Variants in NOPCHAP1 observed in about 807,000 individuals in gnomAD.
NOPCHAP1 encodes the protein NOP protein chaperone 1, also known as DNA damage-sensitive RNA 1.
A neutral mutation model predicts 14.0 loss-of-function variants in NOPCHAP1; 13 were observed. The ratio of observed to expected loss-of-function variants is 0.93; its 90% CI spans 0.60 to 1.47. The LOEUF (loss-of-function observed/expected upper bound fraction) is 1.47. NOPCHAP1 is among the 40% of genes most tolerant of loss of function. The pLI, the probability that NOPCHAP1 is intolerant of heterozygous loss-of-function variation, is 0.00. For synonymous variants in NOPCHAP1, 78 were observed against 78.4 expected (o/e 1.00, Z 0.03); for missense variants, 230 against 226.9 (o/e 1.01, Z -0.09).
chr12:104,992,337 C>G (rs528321590), intron 3 of NOPCHAP1, among the ~76,000 whole-genome samples: 3 of 152,284 alleles, frequency 2.0e-5, no homozygotes, highest in Non-Finnish European at 2.9e-5. Flanking sequence ...TTCAGCTCTC[C>G]CTCCAGAATA....
rs372991761 is a variant in NOPCHAP1 at position 104,996,095 on chromosome 12, G to A, written c.*1399G>A. 7.2e-5 allele frequency: 11 copies of A among 152,210 alleles called. No individual in the cohort carries two copies. The highest frequency in any genetic ancestry group is 2.7e-4 in the African/African-American group (11 of 41,504). The allele number at this position is 152,210 out of a possible 1,614,324, so 9.4% of individuals were successfully genotyped here. A position where few individuals can be genotyped will look rare whatever the true frequency, so the allele number is the denominator to read the frequency against. ...TAGGAGGTATTTATGGGGACTTTTG[G>A]GGAAGCTATTTGGAAGGCAGGATTG... is the stretch of plus-strand genomic sequence containing the variant. On this transcript the variant is annotated 3_prime_UTR_variant, in exon 4 of 4. Coordinates refer to ENST00000552951, the MANE Select transcript of NOPCHAP1 (RefSeq NM_152318.3).
At chr12:104,992,100 G>GT (rs1873390490) in intron 3 of NOPCHAP1, among the ~76,000 whole-genome samples, 1 of 152,014 alleles carries the variant, frequency 6.6e-6, no homozygotes, top group Non-Finnish European at 1.5e-5. Context: ...TCCTAACTGG[G>GT]TTTTTTTCTG....
intron 1 of NOPCHAP1, among the ~76,000 whole-genome samples, chr12:104,987,690 T>C (rs898975337): frequency 9.9e-5 from 15 of 152,192 alleles, no homozygotes; most frequent in Non-Finnish European, 2.1e-4. Context: ...CCCAAAAGGC[T>C]GCTTTCCTTG....
intron 2 of NOPCHAP1, 73 bp downstream of exon 2, chr12:104,988,326 G>C: frequency 8.3e-7 from 1 of 1,201,916 alleles, no homozygotes; most frequent in South Asian, 1.4e-5. Flanking sequence ...GACGGTCTCT[G>C]CCTTCATTGT....
rs1873885057 is a variant in NOPCHAP1 at position 105,013,694 on chromosome 12, C to T, written c.*18998C>T. On this transcript the variant is annotated 3_prime_UTR_variant, in exon 4 of 4. Transcript: ENST00000552951. ...ATCTGGGCCGGAGTGCACCGTTCCT[C>T]ACGGCACAGTATCTCATGGCTTCCC... 6.6e-6 allele frequency: 1 copy of T among 152,428 alleles called. No homozygotes were observed. The highest frequency in any genetic ancestry group is 2.4e-5 in the African/African-American group (1 of 41,446). 9.4% of individuals were successfully genotyped at this position (152,428 alleles called of 1,614,324 possible). A position where few individuals can be genotyped will look rare whatever the true frequency, so the allele number is the denominator to read the frequency against.
In NOPCHAP1 at chr12:104,994,706, T is replaced by G. The variant is rs141562989; in HGVS notation, c.*10T>G. 82 of 1,591,300 alleles carry G rather than the reference T, an allele frequency of 5.2e-5. 1 individual carries two copies. In the East Asian group the frequency reaches 1.7e-3, roughly 32 times the overall value. ...TAAAAAAAAGAAATAGTCAAATAAATTATCTGAAAAGAAACAGGTGACATA... is the reference window on the plus strand; with the variant it reads ...TAAAAAAAAGAAATAGTCAAATAAAGTATCTGAAAAGAAACAGGTGACATA... On this transcript the variant is annotated 3_prime_UTR_variant, in exon 4 of 4. Coordinates refer to ENST00000552951, the MANE Select transcript of NOPCHAP1 (RefSeq NM_152318.3).
chr12:104,992,472 G>GTGCCTTC (rs1873400507), intron 3 of NOPCHAP1, among the ~76,000 whole-genome samples: 1 of 152,176 alleles, frequency 6.6e-6, no homozygotes, highest in African/African-American at 2.4e-5. Flanking sequence ...TGCGTTCACT[G>GTGCCTTC]TGCCTTCCCT....
Position 104,994,803 on chromosome 12 carries a change from A to T in NOPCHAP1, c.*107A>T. ...CTTTTCAGGCACCTATGGTGCTTTT[A>T]TATGTTAAAAACTTTAGACAAGTTA... On this transcript the variant is annotated 3_prime_UTR_variant, in exon 4 of 4. Transcript: ENST00000552951. 1 of 976,884 alleles carries T rather than the reference A, an allele frequency of 1.0e-6. No individual in the cohort carries two copies. The highest frequency in any genetic ancestry group is 2.4e-5 in the Admixed American group (1 of 42,316). The allele number at this position is 976,884 out of a possible 1,614,324, so 60.5% of individuals were successfully genotyped here. A position where few individuals can be genotyped will look rare whatever the true frequency, so the allele number is the denominator to read the frequency against.
chr12:104,989,320 G>C (rs896288766), intron 2 of NOPCHAP1, among the ~76,000 whole-genome samples: 1 of 152,200 alleles, frequency 6.6e-6, no homozygotes, highest in African/African-American at 2.4e-5. Context: ...GCTGGAGATA[G>C]ACTTACCAGC....
At position 104,999,513 on chromosome 12, in the gene NOPCHAP1, C is replaced by T. The variant is rs1470622875; in HGVS notation, c.*4817C>T. On this transcript the variant is annotated 3_prime_UTR_variant, in exon 4 of 4. Transcript: ENST00000552951. ...AGTGCTTAGTTCCGATCGGCCAGGT[C>T]TCATAGGCAAGACTGCCCTGCATTT... 1 of 152,296 alleles carries T rather than the reference C, an allele frequency of 6.6e-6. No individual in the cohort carries two copies. The highest frequency in any genetic ancestry group is 2.4e-5 in the African/African-American group (1 of 41,434). 9.4% of individuals were successfully genotyped at this position (152,296 alleles called of 1,614,324 possible).
chr12:105,005,043 TAGGTTGAGG>T lies in NOPCHAP1; in HGVS notation c.*10351_*10359del, dbSNP rs767604582. ...TCATCCTCATTGTCTTCAGGTTGAG[TAGGTTGAGG>T]AGGAGGAAGCAGAGGGGTTGGCACA... On this transcript the variant is annotated 3_prime_UTR_variant, in exon 4 of 4. Coordinates refer to ENST00000552951, the MANE Select transcript of NOPCHAP1 (RefSeq NM_152318.3). 3.9e-5 allele frequency: 6 copies of T among 151,952 alleles called. No homozygotes were observed. Among genetic ancestry groups the T allele is most frequent in the Non-Finnish European group, 8.8e-5 (6 of 67,992 alleles). The allele number at this position is 151,952 out of a possible 1,614,324, so 9.4% of individuals were successfully genotyped here.
rs186674387 is a variant in NOPCHAP1 at position 105,001,004 on chromosome 12, C to T, written c.*6308C>T. The T allele has an allele frequency of 8.6e-5, 13 of 150,890 alleles. No homozygotes were observed. The highest frequency in any genetic ancestry group is 3.4e-3 in the Middle Eastern group (1 of 294). 9.3% of individuals were successfully genotyped at this position (150,890 alleles called of 1,614,324 possible). On this transcript the variant is annotated 3_prime_UTR_variant, in exon 4 of 4. Coordinates refer to ENST00000552951, the MANE Select transcript of NOPCHAP1 (RefSeq NM_152318.3). ...TAAGGCCAATGGTAATACCTTTGGA[C>T]GAGGCAATTCAATCAATTCAGTTAA...
Position 105,007,249 on chromosome 12 carries a change from A to G in NOPCHAP1, c.*12553A>G, listed in dbSNP as rs1398587578. The G allele has an allele frequency of 1.3e-5, 2 of 152,194 alleles. No homozygotes were observed. Among genetic ancestry groups the G allele is most frequent in the Non-Finnish European group, 2.9e-5 (2 of 68,042 alleles). 9.4% of individuals were successfully genotyped at this position (152,194 alleles called of 1,614,324 possible). A position where few individuals can be genotyped will look rare whatever the true frequency, so the allele number is the denominator to read the frequency against. The stretch of plus-strand genomic sequence containing the variant: ...TAGGAAATAAAAATGTATTTCACAA[A>G]AAGATTTTTGTGCCCGCTAGCGTAG... On this transcript the variant is annotated 3_prime_UTR_variant, in exon 4 of 4. Coordinates refer to ENST00000552951, the MANE Select transcript of NOPCHAP1 (RefSeq NM_152318.3).
chr12:104,991,905 G>A, intron 3 of NOPCHAP1, 57 bp downstream of exon 3: 1 of 1,524,374 alleles, frequency 6.6e-7, no homozygotes, highest in South Asian at 1.3e-5. Context: ...CACCTAAGAA[G>A]AAGAGAACTT....
At position 104,998,760 on chromosome 12, in the gene NOPCHAP1, G is replaced by A. The variant is rs1310809194; in HGVS notation, c.*4064G>A. The A allele has an allele frequency of 2.0e-5, 3 of 153,608 alleles. No homozygotes were observed. Among genetic ancestry groups the A allele is most frequent in the Admixed American group, 6.5e-5 (1 of 15,298 alleles). 9.5% of individuals were successfully genotyped at this position (153,608 alleles called of 1,614,324 possible). A position where few individuals can be genotyped will look rare whatever the true frequency, so the allele number is the denominator to read the frequency against. ...TTTTGTGCAGGCATTTGTAGTGGCTGTGGTGTTAGCATGGGGGTGGGGCGC... is the reference window on the plus strand; with the variant it reads ...TTTTGTGCAGGCATTTGTAGTGGCTATGGTGTTAGCATGGGGGTGGGGCGC... On this transcript the variant is annotated 3_prime_UTR_variant, in exon 4 of 4. Transcript: ENST00000552951.
rs927061209 is a variant in NOPCHAP1, at chr12:105,001,554, T to G, written c.*6858T>G. The G allele has an allele frequency of 2.6e-5, 4 of 152,232 alleles. No individual in the cohort carries two copies. Among genetic ancestry groups the G allele is most frequent in the African/African-American group, 9.6e-5 (4 of 41,458 alleles). The allele number at this position is 152,232 out of a possible 1,614,324, so 9.4% of individuals were successfully genotyped here. A position where few individuals can be genotyped will look rare whatever the true frequency, so the allele number is the denominator to read the frequency against. The stretch of plus-strand genomic sequence containing the variant: ...GAGAGTCAGGAAACTCTAAGATTAT[T>G]TGTCCCTCTGAAAGAGAATTTTATA... On this transcript the variant is annotated 3_prime_UTR_variant, in exon 4 of 4. Coordinates refer to ENST00000552951, the MANE Select transcript of NOPCHAP1 (RefSeq NM_152318.3).
chr12:105,004,334 G>A lies in NOPCHAP1; in HGVS notation c.*9638G>A, dbSNP rs150350722. 0.022 allele frequency: 3,364 copies of A among 152,308 alleles called. 53 individuals are homozygous for A. Among genetic ancestry groups the A allele is most frequent in the Non-Finnish European group, 0.036 (2,441 of 68,046 alleles). 9.4% of individuals were successfully genotyped at this position (152,308 alleles called of 1,614,324 possible). ...ACCTGTAATCCCAGCACTTTGGGAG[G>A]CCAAGGTGGGCAGATCACGAGGTCA... is the stretch of plus-strand genomic sequence containing the variant. On this transcript the variant is annotated 3_prime_UTR_variant, in exon 4 of 4. Coordinates refer to ENST00000552951, the MANE Select transcript of NOPCHAP1 (RefSeq NM_152318.3).
rs1035063173 is a variant in NOPCHAP1, at chr12:105,007,300, CTTTTCT to C, written c.*12609_*12614del. 6.6e-6 allele frequency: 1 copy of C among 152,140 alleles called. No individual in the cohort carries two copies. The allele number at this position is 152,140 out of a possible 1,614,324, so 9.4% of individuals were successfully genotyped here. ...CTGCAGCAATGGCTTCACAAATTTC[CTTTTCT>C]TTTTAACAATGGTCCTGATGCTGGA... is the stretch of plus-strand genomic sequence containing the variant. On this transcript the variant is annotated 3_prime_UTR_variant, in exon 4 of 4. Coordinates refer to ENST00000552951, the MANE Select transcript of NOPCHAP1 (RefSeq NM_152318.3).
rs530980972 is a variant in NOPCHAP1, at chr12:104,996,436, G to C, written c.*1740G>C. 1 of 150,150 alleles carries C rather than the reference G, an allele frequency of 6.7e-6. No individual in the cohort carries two copies. The highest frequency in any genetic ancestry group is 1.9e-4 in the East Asian group (1 of 5,130). 9.3% of individuals were successfully genotyped at this position (150,150 alleles called of 1,614,324 possible). On this transcript the variant is annotated 3_prime_UTR_variant, in exon 4 of 4. Coordinates refer to ENST00000552951, the MANE Select transcript of NOPCHAP1 (RefSeq NM_152318.3). ...TTGTTATATAGACAAATTGGGTATT[G>C]TGGGGGTTTGGTGTACAGATTATTT...
Sources: gnomAD v4.1 joint callset for allele counts (sites outside exome capture counted in the v4.1 genomes callset) on GRCh38, gnomAD v4.1.1 for gene constraint, MANE v1.5 for transcripts, NCBI Gene and HGNC (gene_info 2026-07-23, HGNC 2026-07-21) for gene names.